The following CNTN5 variants were observed in gnomAD, a reference collection of about 807,000 sequenced individuals.
CNTN5 encodes the protein contactin-5.
CNTN5 carries 77 observed loss-of-function variants against 129.1 expected under a neutral mutation model. The ratio of observed to expected loss-of-function variants is 0.60; its 90% CI spans 0.50 to 0.72. The LOEUF is 0.72. CNTN5 is among the 30% of genes least tolerant of loss of function. The pLI, the probability that CNTN5 is intolerant of heterozygous loss-of-function variation, is 0.00. For synonymous variants in CNTN5, 509 were observed against 465.6 expected (o/e 1.09, Z -1.20); for missense variants, 1,478 against 1,328.8 (o/e 1.11, Z -1.75).
At chr11:99,691,596 G>T (rs1417563058) in intron 3 of CNTN5, among the ~76,000 whole-genome samples, 1 of 152,064 alleles carries the variant, frequency 6.6e-6, no homozygotes, top group Non-Finnish European at 1.5e-5. Context: ...TAATTTGATT[G>T]CACTGTGGTC....
Position 99,693,213 on chromosome 11 carries a change from C to T in CNTN5, c.56-126331C>T, listed in dbSNP as rs143978566. Among the ~76,000 whole-genome samples, 407 of 152,126 alleles carry T rather than the reference C, an allele frequency of 2.7e-3. 2 individuals carry two copies. The highest frequency in any genetic ancestry group is 9.1e-3 in the African/African-American group (376 of 41,510). On this transcript the variant is annotated intron_variant, in intron 3 of 24. Transcript: ENST00000524871. Reference sequence around the variant, plus strand: ...TGTGTGTTTTCAGTACCTGTGTGCACAGCACAGAAAATACAAATATATTTA... The same window carrying T: ...TGTGTGTTTTCAGTACCTGTGTGCATAGCACAGAAAATACAAATATATTTA...
chr11:100,152,416 CAAAGCA>C (rs1947095531), intron 13 of CNTN5, among the ~76,000 whole-genome samples: 1 of 152,052 alleles, frequency 6.6e-6, no homozygotes, highest in African/African-American at 2.4e-5. Context: ...ACTGCCAAAA[CAAAGCA>C]AAAGCAAACA....
intron 1 of CNTN5, among the ~76,000 whole-genome samples, chr11:99,211,875 C>T (rs12362408): frequency 0.36 from 54,316 of 151,764 alleles, 10,045 homozygotes; most frequent in Middle Eastern, 0.49. Context: ...TATTCTTTTA[C>T]TTCTTTCATT....
rs1555113491 is a variant in CNTN5, at chr11:99,792,573, G to GTGTCTGTCTGTC, written c.56-26956_56-26945dup. Among the ~76,000 whole-genome samples, 229 of 116,686 alleles carry GTGTCTGTCTGTC rather than the reference G, an allele frequency of 2.0e-3. 1 individual carries two copies. The highest frequency in any genetic ancestry group is 2.4e-3 in the Non-Finnish European group (141 of 58,688). 76.6% of individuals were successfully genotyped at this position (116,686 alleles called of 152,430 possible). A position where few individuals can be genotyped will look rare whatever the true frequency, so the allele number is the denominator to read the frequency against. On this transcript the variant is annotated intron_variant, in intron 3 of 24. Coordinates refer to ENST00000524871, the MANE Select transcript of CNTN5 (RefSeq NM_014361.4). ...TGTGTGTGTGTGTGTGTGTGTGTGT[G>GTGTCTGTCTGTC]TGTCTGTCTGTCTGTCTGTCTGTCT... is the stretch of plus-strand genomic sequence containing the variant.
chr11:99,925,411 A>G (rs1161656690), intron 7 of CNTN5, among the ~76,000 whole-genome samples: 1 of 152,216 alleles, frequency 6.6e-6, no homozygotes, highest in Non-Finnish European at 1.5e-5. Context: ...CTCAGCAAAC[A>G]TAGTGTATAA....
chr11:99,024,544 T>C (rs2135061123), intron 1 of CNTN5, among the ~76,000 whole-genome samples: 1 of 152,232 alleles, frequency 6.6e-6, no homozygotes, highest in East Asian at 1.9e-4. Context: ...AATATTTGCA[T>C]AAGCTAATTG....
intron 2 of CNTN5, among the ~76,000 whole-genome samples, chr11:99,439,707 C>CAAAAAAAAAAA (rs376871051): frequency 1.0e-5 from 1 of 95,458 alleles, no homozygotes; most frequent in African/African-American, 4.3e-5. Flanking sequence ...GACTCTGTCT[C>CAAAAAAAAAAA]AAAAAAAAAA....
intron 21 of CNTN5, among the ~76,000 whole-genome samples, chr11:100,338,796 G>T (rs1305167323): frequency 6.6e-6 from 1 of 151,680 alleles, no homozygotes; most frequent in Non-Finnish European, 1.5e-5. Flanking sequence ...GTGGTGCTAG[G>T]TGCCTGTGAC....
chr11:99,807,254 T>G (rs1302308654), intron 3 of CNTN5, among the ~76,000 whole-genome samples: 2 of 152,176 alleles, frequency 1.3e-5, no homozygotes, highest in African/African-American at 4.8e-5. Context: ...GTCTAAATAT[T>G]AAGTCAAAAA....
Position 100,181,319 on chromosome 11 carries a change from T to C in CNTN5, c.1581-9807T>C, listed in dbSNP as rs145771650. On this transcript the variant is annotated intron_variant, in intron 13 of 24. Transcript: ENST00000524871. The stretch of plus-strand genomic sequence containing the variant: ...AAAAAACCAATCCCCAAAAGTTATA[T>C]ACTGTTAGATTCCACTAATCTAAGA... 4.1e-4 allele frequency among the ~76,000 whole-genome samples: 62 copies of C among 152,068 alleles called. No individual in the cohort carries two copies. The East Asian group carries it at 0.012, about 29-fold the overall frequency.
At chr11:99,082,652 C>G (rs1367890296) in intron 1 of CNTN5, among the ~76,000 whole-genome samples, 1 of 152,148 alleles carries the variant, frequency 6.6e-6, no homozygotes, top group African/African-American at 2.4e-5. Flanking sequence ...GTTTGCTGAT[C>G]TCTTTTATCT....
intron 4 of CNTN5, among the ~76,000 whole-genome samples, chr11:99,826,289 G>A (rs7932178): frequency 1.3e-5 from 2 of 152,078 alleles, no homozygotes; most frequent in Non-Finnish European, 2.9e-5. Context: ...AGGCATTACA[G>A]TTCTGTTGGG....
intron 3 of CNTN5, among the ~76,000 whole-genome samples, chr11:99,613,262 C>G (rs1049979460): frequency 1.1e-4 from 16 of 152,282 alleles, no homozygotes; most frequent in Non-Finnish European, 2.1e-4. Context: ...CCGTGCTGTT[C>G]TCTGCCATGG....
chr11:99,333,978 A>AGT (rs1866112918), intron 2 of CNTN5, among the ~76,000 whole-genome samples: 2 of 147,836 alleles, frequency 1.4e-5, no homozygotes, highest in Non-Finnish European at 3.0e-5. Flanking sequence ...TCTCTCACAC[A>AGT]CACACACACA....
At chr11:99,921,117 G>C (rs1949928459) in intron 7 of CNTN5, among the ~76,000 whole-genome samples, 1 of 152,094 alleles carries the variant, frequency 6.6e-6, no homozygotes, top group African/African-American at 2.4e-5. Flanking sequence ...ATAACTGTGG[G>C]AAAATAAATT....
intron 3 of CNTN5, among the ~76,000 whole-genome samples, chr11:99,688,145 G>A (rs1387007236): frequency 3.9e-5 from 6 of 152,142 alleles, no homozygotes; most frequent in African/African-American, 1.2e-4. Flanking sequence ...TAACGCAGAT[G>A]AGTTAAAGGA....
intron 3 of CNTN5, among the ~76,000 whole-genome samples, chr11:99,787,820 C>G (rs1246613748): frequency 6.6e-6 from 1 of 151,980 alleles, no homozygotes; most frequent in Non-Finnish European, 1.5e-5. Context: ...TGACCTCATT[C>G]TATAAGGCTT....
chr11:99,965,873 G>T (rs1396254699), intron 8 of CNTN5, among the ~76,000 whole-genome samples: 1 of 152,106 alleles, frequency 6.6e-6, no homozygotes, highest in Non-Finnish European at 1.5e-5. Flanking sequence ...AAATATGATT[G>T]AAAAGTACGT....
intron 2 of CNTN5, among the ~76,000 whole-genome samples, chr11:99,432,464 C>CCTTTTCTTTCCTTTT (rs1943420097): frequency 3.4e-5 from 4 of 116,378 alleles, no homozygotes; most frequent in African/African-American, 1.3e-4. Flanking sequence ...TCTTTTCTTT[C>CCTTTTCTTTCCTTTT]CTTTTCTTTT....
Sources: allele counts gnomAD v4.1 joint callset (sites outside exome capture counted in the v4.1 genomes callset), GRCh38; gene constraint gnomAD v4.1.1; transcripts MANE v1.5; gene names NCBI Gene and HGNC (gene_info 2026-07-23, HGNC 2026-07-21).